Variants in CDH13 observed in about 807,000 individuals in gnomAD.
CDH13 encodes cadherin-13.
A neutral mutation model predicts 63.8 loss-of-function variants in CDH13; 24 were observed. The observed-to-expected ratio is 0.38, with a 90% CI of 0.27 to 0.53. The LOEUF is 0.53. CDH13 is among the 20% of genes least tolerant of loss of function. The pLI is 0.85. For synonymous variants in CDH13, 503 were observed against 355.3 expected (o/e 1.42, Z -4.67); for missense variants, 1,049 against 903.1 (o/e 1.16, Z -2.07).
At chr16:83,498,854 G>C (rs1191673955) in intron 7 of CDH13, among the ~76,000 whole-genome samples, 3 of 152,178 alleles carry the variant, frequency 2.0e-5, no homozygotes, top group Non-Finnish European at 4.4e-5. Context: ...ATTATCATAT[G>C]GGCCAGGTGG....
intron 1 of CDH13, among the ~76,000 whole-genome samples, chr16:82,669,348 C>G (rs2150940440): frequency 6.6e-6 from 1 of 152,324 alleles, no homozygotes; most frequent in East Asian, 1.9e-4. Context: ...CCCTATCAAG[C>G]TTATAGAAAA....
At chr16:83,323,784 A>C (rs895741639) in intron 5 of CDH13, among the ~76,000 whole-genome samples, 5 of 152,198 alleles carry the variant, frequency 3.3e-5, no homozygotes, top group African/African-American at 1.2e-4. Flanking sequence ...ATTCTTCACT[A>C]GCCCATACAG....
intron 10 of CDH13, among the ~76,000 whole-genome samples, chr16:83,705,808 T>C (rs761221372): frequency 1.3e-5 from 2 of 152,200 alleles, no homozygotes; most frequent in Non-Finnish European, 2.9e-5. Flanking sequence ...GGAGGGAATG[T>C]TGGGTCAAGT....
chr16:83,045,975 C>T (rs1917745210), intron 3 of CDH13, among the ~76,000 whole-genome samples: 1 of 152,212 alleles, frequency 6.6e-6, no homozygotes, highest in African/African-American at 2.4e-5. Flanking sequence ...ACTTTTGGAC[C>T]CTTTGGCCTG....
intron 13 of CDH13, 119 bp from the exon 14 acceptor site, chr16:83,794,904 T>C (rs184722882): frequency 3.4e-6 from 3 of 890,312 alleles, no homozygotes; most frequent in Non-Finnish European, 5.5e-6. Flanking sequence ...TCCCCCATAG[T>C]CGTGTGATGT....
At chr16:83,742,323 C>T (rs1372263865) in intron 10 of CDH13, among the ~76,000 whole-genome samples, 1 of 152,176 alleles carries the variant, frequency 6.6e-6, no homozygotes, top group African/African-American at 2.4e-5. Flanking sequence ...GTTTGCCTTG[C>T]GTCTCCCAAC....
rs527500529 is a variant in CDH13 at position 83,202,933 on chromosome 16, C to G, written c.484-14412C>G. 5.9e-5 allele frequency among the ~76,000 whole-genome samples: 9 copies of G among 152,256 alleles called. No individual in the cohort carries two copies. In the East Asian group the frequency reaches 1.7e-3, roughly 29 times the overall value. On this transcript the variant is annotated intron_variant, in intron 4 of 13. Transcript: ENST00000567109. Reference sequence around the variant, plus strand: ...ATGGGGTAGGGCAAGGGCTGAAAAACTTCCTTTTGGGGCCAGGTACAGTGG... The same window carrying G: ...ATGGGGTAGGGCAAGGGCTGAAAAAGTTCCTTTTGGGGCCAGGTACAGTGG...
chr16:83,579,362 A>C (rs964657319), intron 7 of CDH13, among the ~76,000 whole-genome samples: 2 of 152,228 alleles, frequency 1.3e-5, no homozygotes, highest in Non-Finnish European at 2.9e-5. Flanking sequence ...TAATTGGCTC[A>C]CAGTTCCACA....
rs548299708 is a variant in CDH13, at chr16:83,415,774, T to C, written c.782-70703T>C. Reference sequence around the variant, plus strand: ...ACCTCAACATAATAAAGGCCACATATGAAAAGTCCATAGCTAACGTCATAC... The same window carrying C: ...ACCTCAACATAATAAAGGCCACATACGAAAAGTCCATAGCTAACGTCATAC... On this transcript the variant is annotated intron_variant, in intron 6 of 13. Coordinates refer to ENST00000567109, the MANE Select transcript of CDH13 (RefSeq NM_001257.5). 9.2e-5 allele frequency among the ~76,000 whole-genome samples: 14 copies of C among 152,168 alleles called. No homozygotes were observed. The South Asian group carries it at 2.9e-3, about 32-fold the overall frequency.
intron 6 of CDH13, among the ~76,000 whole-genome samples, chr16:83,351,151 G>A (rs1452825295): frequency 6.6e-6 from 1 of 152,064 alleles, no homozygotes; most frequent in Non-Finnish European, 1.5e-5. Flanking sequence ...CTGTGATGTG[G>A]CTTTTCAACC....
intron 1 of CDH13, among the ~76,000 whole-genome samples, chr16:82,706,044 C>T (rs757598181): frequency 3.3e-5 from 5 of 152,060 alleles, no homozygotes; most frequent in African/African-American, 9.7e-5. Context: ...TCTTCCCTCC[C>T]TTCTTCCCTT....
intron 1 of CDH13, among the ~76,000 whole-genome samples, chr16:82,669,422 G>T (rs967175972): frequency 1.3e-5 from 2 of 152,068 alleles, no homozygotes; most frequent in African/African-American, 4.8e-5. Flanking sequence ...GAAAATAGTG[G>T]GTCTTTTAGG....
chr16:83,673,768 G>C (rs896434218), intron 9 of CDH13, among the ~76,000 whole-genome samples: 16 of 152,194 alleles, frequency 1.1e-4, no homozygotes, highest in African/African-American at 3.9e-4. Context: ...ATATGAGAGA[G>C]AGGTGTGCCA....
chr16:83,350,360 G>A (rs1159695130), intron 6 of CDH13, among the ~76,000 whole-genome samples: 1 of 152,216 alleles, frequency 6.6e-6, no homozygotes, highest in East Asian at 1.9e-4. Context: ...CAAACTGCAT[G>A]ACTGACAAAG....
At chr16:83,181,746 C>T (rs887302891) in intron 4 of CDH13, among the ~76,000 whole-genome samples, 6 of 152,074 alleles carry the variant, frequency 3.9e-5, no homozygotes, top group African/African-American at 1.4e-4. Flanking sequence ...TTGAGGGAGT[C>T]TCTGAATGCC....
intron 4 of CDH13, among the ~76,000 whole-genome samples, chr16:83,158,015 G>A (rs1441944836): frequency 1.3e-5 from 2 of 152,104 alleles, no homozygotes; most frequent in Admixed American, 6.5e-5. Context: ...AATGCATGCC[G>A]TGAACTCATT....
At chr16:83,313,570 C>G (rs1396870524) in intron 5 of CDH13, among the ~76,000 whole-genome samples, 1 of 150,340 alleles carries the variant, frequency 6.7e-6, no homozygotes, top group African/African-American at 2.5e-5. Flanking sequence ...GGGCCCCAGG[C>G]CATGGTAGAT....
intron 7 of CDH13, among the ~76,000 whole-genome samples, chr16:83,526,575 C>G (rs904220263): frequency 6.6e-6 from 1 of 152,210 alleles, no homozygotes; most frequent in Admixed American, 6.5e-5. Context: ...TGCTCGCTTG[C>G]TAGCCCACTG....
At chr16:83,559,645 G>C (rs972214661) in intron 7 of CDH13, among the ~76,000 whole-genome samples, 3 of 151,900 alleles carry the variant, frequency 2.0e-5, no homozygotes, top group Admixed American at 2.0e-4. Flanking sequence ...GAGAGAGGGA[G>C]GGAGGGAGCG....
Sources: allele counts gnomAD v4.1 joint callset (sites outside exome capture counted in the v4.1 genomes callset), GRCh38; gene constraint gnomAD v4.1.1; transcripts MANE v1.5; gene names NCBI Gene and HGNC (gene_info 2026-07-23, HGNC 2026-07-21).